NCOR2: variants seen among roughly 807,000 people sequenced by gnomAD.
The protein encoded by NCOR2 is CTG repeat protein 26.
A neutral mutation model predicts 262.9 loss-of-function variants in NCOR2; 81 were observed. That is an observed-to-expected ratio of 0.31 (90% CI 0.26 to 0.37). The LOEUF (loss-of-function observed/expected upper bound fraction) is 0.37, where lower values mean the gene tolerates loss of function less well. NCOR2 is among the 10% of genes least tolerant of loss of function. NCOR2 has a pLI of 1.00. For synonymous variants in NCOR2, 1,659 were observed against 1,559.3 expected (o/e 1.06, Z -1.51); for missense variants, 3,385 against 3,621.4 (o/e 0.93, Z 1.68).
At chr12:124,423,276 C>G (rs2136309245) in intron 11 of NCOR2, among the ~76,000 whole-genome samples, 1 of 152,304 alleles carries the variant, frequency 6.6e-6, no homozygotes, top group Admixed American at 6.5e-5. Flanking sequence ...TGGGTGGAGT[C>G]CCTGGCCCCA....
rs1209300664 is a variant in NCOR2 at position 124,443,224 on chromosome 12, T to A, written c.816-5228A>T. 6.6e-6 allele frequency among the ~76,000 whole-genome samples: 1 copy of A among 152,272 alleles called. No homozygotes were observed. The highest frequency in any genetic ancestry group is 1.9e-4 in the East Asian group (1 of 5,176). On this transcript the variant is annotated intron_variant, in intron 7 of 46. Coordinates refer to ENST00000405201, the Ensembl canonical transcript of NCOR2. This position sits in a 1 kb window ranked among gnomAD's most constrained non-coding sequence, Gnocchi z 4.4. ...TCACTGCAGCTGGAAAACGACTCGGTGAGCATGAGGCCTCGGGGTGGTGGT... is the reference window on the plus strand; with the variant it reads ...TCACTGCAGCTGGAAAACGACTCGGAGAGCATGAGGCCTCGGGGTGGTGGT...
At chr12:124,402,370 G>GC in intron 14 of NCOR2, 34 bp downstream of exon 16, 1 of 1,611,172 alleles carries the variant, frequency 6.2e-7, no homozygotes, top group Non-Finnish European at 8.5e-7. Context: ...TGGGTCAGCG[G>GC]CCGGGCCCTG....
intron 10 of NCOR2, among the ~76,000 whole-genome samples, chr12:124,428,903 C>G (rs1244094): frequency 0.95 from 145,150 of 152,272 alleles, 69,224 homozygotes; most frequent in East Asian, 1. Flanking sequence ...AGGGGGTAGT[C>G]TCATCATGGG....
intron 18 of NCOR2, among the ~76,000 whole-genome samples, chr12:124,375,144 G>A (rs1055425899): frequency 1.3e-5 from 2 of 152,232 alleles, no homozygotes; most frequent in Admixed American, 6.5e-5. Context: ...CCACGCTGTG[G>A]AGGGGAGAGC....
intron 1 of NCOR2, among the ~76,000 whole-genome samples, chr12:124,519,952 C>T (rs535922534): frequency 3.3e-5 from 5 of 152,356 alleles, no homozygotes; most frequent in African/African-American, 7.2e-5. Context: ...GGCTTGTCTC[C>T]GCTATCCACG....
At chr12:124,493,484 T>A (rs959558876) in intron 1 of NCOR2, among the ~76,000 whole-genome samples, 2 of 152,228 alleles carry the variant, frequency 1.3e-5, no homozygotes, top group African/African-American at 4.8e-5. Context: ...GTACTCTCAG[T>A]ACCCCCACTT....
At chr12:124,437,102 T>TAAAC (rs1328259383) in intron 8 of NCOR2, among the ~76,000 whole-genome samples, 1 of 151,704 alleles carries the variant, frequency 6.6e-6, no homozygotes, top group African/African-American at 2.4e-5. Flanking sequence ...AAATAATAAA[T>TAAAC]AAATAAACAA....
chr12:124,375,531 T>C (rs1227844668), intron 18 of NCOR2, among the ~76,000 whole-genome samples: 4 of 152,120 alleles, frequency 2.6e-5, no homozygotes, highest in Non-Finnish European at 5.9e-5. Context: ...AGAATCCAGG[T>C]GAAGTGCTTT....
chr12:124,542,492 G>A (rs1252575792), intron 1 of NCOR2: 1 of 152,448 alleles, frequency 6.6e-6, no homozygotes. Flanking sequence ...CCTCTGCCCT[G>A]GGCACCGAGG....
intron 7 of NCOR2, among the ~76,000 whole-genome samples, chr12:124,439,258 G>C (rs866916561): frequency 1.2e-5 from 1 of 84,308 alleles, no homozygotes. Context: ...CAGAGAGAGA[G>C]AGATGGAGAC....
At chr12:124,356,018 G>T (rs552756188) in intron 23 of NCOR2, among the ~76,000 whole-genome samples, 14 of 152,308 alleles carry the variant, frequency 9.2e-5, no homozygotes, top group African/African-American at 3.4e-4. Context: ...CTGGCCCCTG[G>T]GTCTCCCCAG....
chr12:124,404,205 C>T lies in NCOR2; in HGVS notation c.1483-1644G>A, dbSNP rs576209093. On this transcript the variant is annotated intron_variant, in intron 13 of 46. Transcript: ENST00000405201. ...CCCGATGTGGGCAGAGGTAGGGACC[C>T]GGGGAGGGAGGAGTGATGTGGCTGG... Among the ~76,000 whole-genome samples the T allele has an allele frequency of 1.1e-4, 16 of 152,292 alleles. No individual in the cohort carries two copies. The South Asian group carries it at 3.1e-3, about 30-fold the overall frequency.
At chr12:124,357,804 G>A (rs1217898348) in intron 22 of NCOR2, among the ~76,000 whole-genome samples, 1 of 151,578 alleles carries the variant, frequency 6.6e-6, no homozygotes, top group Non-Finnish European at 1.5e-5. Context: ...GTGTGTGTGT[G>A]TGTGCGCGCA....
chr12:124,447,953 G>A (rs559006322), intron 7 of NCOR2, among the ~76,000 whole-genome samples: 4 of 152,240 alleles, frequency 2.6e-5, no homozygotes, highest in African/African-American at 9.6e-5. Flanking sequence ...CAAAGTGCTC[G>A]GATTATAGGC....
chr12:124,428,374 T>C (rs1158043539), intron 10 of NCOR2, among the ~76,000 whole-genome samples: 1 of 152,258 alleles, frequency 6.6e-6, no homozygotes, highest in East Asian at 1.9e-4. Context: ...CGAGAAGTTT[T>C]AAAATGAAAA....
chr12:124,554,741 C>T lies in NCOR2; in HGVS notation c.-165+12567G>A, dbSNP rs193287249. Among the ~76,000 whole-genome samples the T allele has an allele frequency of 3.9e-5, 6 of 152,374 alleles. No individual in the cohort carries two copies. The South Asian group carries it at 6.2e-4, about 16-fold the overall frequency. On this transcript the variant is annotated intron_variant, in intron 1 of 32. Transcript: ENST00000458234. The stretch of plus-strand genomic sequence containing the variant: ...CGCACAGTTCCGGGAGGTGCCGCTG[C>T]GGCAAGGGGGCAGCGCCCAGGGCCC...
chr12:124,385,945 T>C (rs2040769992), intron 16 of NCOR2, 58 bp from the exon 19 acceptor site: 6 of 1,577,470 alleles, frequency 3.8e-6, no homozygotes, highest in Non-Finnish European at 5.2e-6. Flanking sequence ...AGAGGGGGCC[T>C]GCATCCATGG....
chr12:124,371,086 T>C (rs962831116), intron 20 of NCOR2, among the ~76,000 whole-genome samples: 2 of 151,982 alleles, frequency 1.3e-5, no homozygotes, highest in African/African-American at 4.8e-5. Context: ...CCCCACATGG[T>C]TTCATGGGTA....
chr12:124,423,927 T>C (rs1225688367), intron 11 of NCOR2, among the ~76,000 whole-genome samples: 1 of 152,206 alleles, frequency 6.6e-6, no homozygotes, highest in East Asian at 1.9e-4. Context: ...TGGAGCCCCA[T>C]GCCGTCAGTA....
Sources: allele counts gnomAD v4.1 joint callset (sites outside exome capture counted in the v4.1 genomes callset), GRCh38; gene constraint gnomAD v4.1.1; non-coding constraint Gnocchi (gnomAD v3.1); transcripts MANE v1.5; gene names NCBI Gene and HGNC (gene_info 2026-07-23, HGNC 2026-07-21).